Variants in LSAMP observed in about 807,000 individuals in gnomAD.
LSAMP encodes the protein limbic system associated membrane protein.
In LSAMP, 7 loss-of-function variants were observed where a neutral mutation model predicts 38.6. The observed-to-expected ratio is 0.18, with a 90% CI of 0.10 to 0.34. The LOEUF (loss-of-function observed/expected upper bound fraction) is 0.34. Ranked by LOEUF, LSAMP falls within the 10% of genes least tolerant of loss-of-function variation. The pLI, the probability that LSAMP is intolerant of heterozygous loss-of-function variation, is 1.00. For synonymous variants in LSAMP, 154 were observed against 166.8 expected (o/e 0.92, Z 0.59); for missense variants, 313 against 420.0 (o/e 0.75, Z 2.23).
chr3:115,944,478 GA>G (rs1938031163), intron 3 of LSAMP, among the ~76,000 whole-genome samples: 1 of 151,996 alleles, frequency 6.6e-6, no homozygotes, highest in Non-Finnish European at 1.5e-5. Flanking sequence ...GTTCCTGATG[GA>G]AAAAACAAAT....
intron 2 of LSAMP, among the ~76,000 whole-genome samples, chr3:116,023,577 C>T (rs1049284960): frequency 6.9e-6 from 1 of 145,836 alleles, no homozygotes; most frequent in African/African-American, 2.6e-5. Context: ...TGCACTCCAG[C>T]CTGGGTGACA....
At chr3:116,334,156 A>G (rs893296275) in intron 1 of LSAMP, among the ~76,000 whole-genome samples, 10 of 152,126 alleles carry the variant, frequency 6.6e-5, no homozygotes, top group African/African-American at 2.4e-4. Flanking sequence ...TGAAATGAAC[A>G]AATTTCTAGA....
chr3:116,350,251 A>G (rs936470969), intron 1 of LSAMP, among the ~76,000 whole-genome samples: 1 of 152,076 alleles, frequency 6.6e-6, no homozygotes, highest in African/African-American at 2.4e-5. Flanking sequence ...TCACCATTTA[A>G]GTATTCTGCA....
At chr3:116,120,973 A>C (rs921913783) in intron 1 of LSAMP, among the ~76,000 whole-genome samples, 1 of 152,154 alleles carries the variant, frequency 6.6e-6, no homozygotes, top group Non-Finnish European at 1.5e-5. Flanking sequence ...CAACAATTTC[A>C]GGTGGATGAC....
intron 1 of LSAMP, among the ~76,000 whole-genome samples, chr3:116,268,948 G>T (rs193159134): frequency 2.0e-5 from 3 of 151,936 alleles, no homozygotes; most frequent in Non-Finnish European, 4.4e-5. Flanking sequence ...GTCACTCAGT[G>T]GGCCCAGGTG....
At chr3:116,280,711 T>A (rs1474404360) in intron 1 of LSAMP, among the ~76,000 whole-genome samples, 1 of 152,220 alleles carries the variant, frequency 6.6e-6, no homozygotes, top group Admixed American at 6.5e-5. Context: ...CTGGCTAATA[T>A]CCAGGGGCTT....
chr3:116,385,102 G>GAA (rs11450064), intron 1 of LSAMP, among the ~76,000 whole-genome samples: 25 of 143,152 alleles, frequency 1.7e-4, no homozygotes, highest in African/African-American at 2.0e-4. Context: ...AAGAAGGAAT[G>GAA]AAAAAAAAAA....
At chr3:116,088,565 T>C (rs1708046085) in intron 1 of LSAMP, among the ~76,000 whole-genome samples, 1 of 152,200 alleles carries the variant, frequency 6.6e-6, no homozygotes, top group Non-Finnish European at 1.5e-5. Context: ...ATGAAATTGT[T>C]GAATGTAGAT....
At chr3:115,940,134 G>A (rs886432808) in intron 3 of LSAMP, among the ~76,000 whole-genome samples, 1 of 152,160 alleles carries the variant, frequency 6.6e-6, no homozygotes, top group Non-Finnish European at 1.5e-5. Context: ...CAGGAGTGAA[G>A]CCACAGACCT....
chr3:115,985,517 C>A (rs1368049518), intron 3 of LSAMP, among the ~76,000 whole-genome samples: 1 of 152,164 alleles, frequency 6.6e-6, no homozygotes, highest in Non-Finnish European at 1.5e-5. Flanking sequence ...GTGATTCTCG[C>A]CTCCTGATGC....
At chr3:116,384,400 A>G (rs75937102) in intron 1 of LSAMP, among the ~76,000 whole-genome samples, 3,842 of 152,180 alleles carry the variant, frequency 0.025, 162 homozygotes, top group African/African-American at 0.084. Flanking sequence ...TAGACACCCT[A>G]TGATGCATGG....
chr3:116,039,148 G>A (rs1941111660), intron 2 of LSAMP, among the ~76,000 whole-genome samples: 1 of 152,178 alleles, frequency 6.6e-6, no homozygotes, highest in Non-Finnish European at 1.5e-5. Context: ...AAGCTATTGT[G>A]AAAGCTCAAC....
chr3:116,278,878 G>C (rs2107679454), intron 1 of LSAMP, among the ~76,000 whole-genome samples: 1 of 152,276 alleles, frequency 6.6e-6, no homozygotes, highest in East Asian at 1.9e-4. Context: ...CTGTCTCAAA[G>C]AAGATGGATA....
At chr3:115,865,192 T>C (rs1395553612) in intron 3 of LSAMP, among the ~76,000 whole-genome samples, 3 of 152,324 alleles carry the variant, frequency 2.0e-5, no homozygotes, top group African/African-American at 4.8e-5. Context: ...TGTCCAAGAA[T>C]CACATATTTA....
At chr3:116,080,782 TA>T (rs1707855029) in intron 2 of LSAMP, among the ~76,000 whole-genome samples, 1 of 151,976 alleles carries the variant, frequency 6.6e-6, no homozygotes, top group Admixed American at 6.6e-5. Flanking sequence ...AAATTCCAGT[TA>T]ATCACTAAGA....
chr3:115,961,642 G>A (rs1938628412), intron 3 of LSAMP, among the ~76,000 whole-genome samples: 1 of 152,172 alleles, frequency 6.6e-6, no homozygotes, highest in African/African-American at 2.4e-5. Context: ...TCAATTCCCT[G>A]AGGCGGCAAT....
At chr3:116,034,653 G>A (rs907608854) in intron 2 of LSAMP, among the ~76,000 whole-genome samples, 2 of 152,126 alleles carry the variant, frequency 1.3e-5, no homozygotes, top group African/African-American at 4.8e-5. Flanking sequence ...TGCTCTCTTA[G>A]CCTTTTGCTA....
At position 116,143,638 on chromosome 3, in the gene LSAMP, C is replaced by T. The variant is rs556443652; in HGVS notation, c.156-57082G>A. ...AGTCTACTGTATTTTAACTATGACC[C>T]CTTTCACCTAGCAGTGATTTTCCTG... is the stretch of plus-strand genomic sequence containing the variant. On this transcript the variant is annotated intron_variant, in intron 1 of 6. Coordinates refer to ENST00000490035, the MANE Select transcript of LSAMP (RefSeq NM_002338.5). Among the ~76,000 whole-genome samples the T allele has an allele frequency of 2.6e-5, 4 of 152,008 alleles. No individual in the cohort carries two copies. In the South Asian group the frequency reaches 8.3e-4, roughly 32 times the overall value.
chr3:116,321,897 A>T (rs999300267), intron 1 of LSAMP, among the ~76,000 whole-genome samples: 4 of 152,186 alleles, frequency 2.6e-5, no homozygotes, highest in African/African-American at 9.7e-5. Flanking sequence ...TCTAATAGTT[A>T]TTCCCCCAAA....
Sources: gnomAD v4.1 joint callset for allele counts (sites outside exome capture counted in the v4.1 genomes callset) on GRCh38, gnomAD v4.1.1 for gene constraint, MANE v1.5 for transcripts, NCBI Gene and HGNC (gene_info 2026-07-23, HGNC 2026-07-21) for gene names.